KCNJ4: variants seen among roughly 807,000 people sequenced by gnomAD.
The protein encoded by KCNJ4 is potassium inwardly rectifying channel subfamily J member 4.
KCNJ4 carries 3 observed loss-of-function variants against 25.6 expected under a neutral mutation model. The ratio of observed to expected loss-of-function variants is 0.12; its 90% CI spans 0.05 to 0.30. The LOEUF (loss-of-function observed/expected upper bound fraction) is 0.30. KCNJ4 is among the 10% of genes least tolerant of loss of function. The pLI, the probability that KCNJ4 is intolerant of heterozygous loss-of-function variation, is 1.00. For missense variants in KCNJ4, 286 were observed against 666.8 expected (o/e 0.43, Z 6.29); for synonymous variants, 257 against 283.9 (o/e 0.91, Z 0.95).
intron 1 of KCNJ4, among the ~76,000 whole-genome samples, chr22:38,429,532 C>A (rs1230290701): frequency 6.6e-6 from 1 of 152,208 alleles, no homozygotes; most frequent in Admixed American, 6.5e-5. Context: ...CCTCATGGGA[C>A]CTACGGGGAC....
At position 38,443,050 on chromosome 22, in the gene KCNJ4, G is replaced by C. The variant is rs1361181922; in HGVS notation, c.-40+11930C>G. Among the ~76,000 whole-genome samples the C allele has an allele frequency of 2.6e-5, 4 of 152,102 alleles. No homozygotes were observed. The highest frequency in any genetic ancestry group is 9.7e-5 in the African/African-American group (4 of 41,406). The stretch of plus-strand genomic sequence containing the variant: ...TGCCCGGCCTGCAGCCCTTCTTGAA[G>C]GGCATGACTTACTCTCCACTCTTCC... On this transcript the variant is annotated intron_variant, in intron 1 of 1. Coordinates refer to ENST00000303592, the MANE Select transcript of KCNJ4 (RefSeq NM_152868.3). This position sits in a 1 kb window ranked among gnomAD's most constrained non-coding sequence, Gnocchi z 4.1.
At position 38,427,971 on chromosome 22, in the gene KCNJ4, G is replaced by T. The variant is rs2093038151; in HGVS notation, c.162C>A (p.Arg54=). The T allele has an allele frequency of 1.9e-6, 3 of 1,614,194 alleles. No homozygotes were observed. Among genetic ancestry groups the T allele is most frequent in the Non-Finnish European group, 2.5e-6 (3 of 1,180,008 alleles). The change falls in exon 2 of 2, where the codon CGC becomes CGA. Residue 54 remains arginine, a synonymous_variant. Transcript: ENST00000303592. ...ADIFTTCVDT[R]WRYMLMIFSA... ...AGAAGATCATGAGCATGTAGCGCCA[G>T]CGCGTGTCCACGCAGGTGGTGAAGA... is the stretch of plus-strand genomic sequence containing the variant.
Position 38,427,216 on chromosome 22 carries a change from G to T in KCNJ4, c.917C>A (p.Ser306Tyr). 6.2e-7 allele frequency: 1 copy of T among 1,613,522 alleles called. No individual in the cohort carries two copies. The highest frequency in any genetic ancestry group is 8.5e-7 in the Non-Finnish European group (1 of 1,180,020). ...CCACAGGATCTCGCTGGCCAGGTAG[G>T]AGCTGCGGGCCTGGGTGGTCATGGC... ...ATAMTTQARS[S>Y]YLASEILWGH... The change falls in exon 2 of 2, where the codon TCC becomes TAC. Residue 306 changes from serine to tyrosine, a missense_variant. Coordinates refer to ENST00000303592, the MANE Select transcript of KCNJ4 (RefSeq NM_152868.3).
intron 1 of KCNJ4, among the ~76,000 whole-genome samples, chr22:38,438,354 C>A (rs2089307854): frequency 2.0e-5 from 3 of 151,330 alleles, no homozygotes; most frequent in South Asian, 4.2e-4. Context: ...CGTGCCACTG[C>A]ACTCCAGCCT....
intron 1 of KCNJ4, among the ~76,000 whole-genome samples, chr22:38,429,130 C>T (rs2093041773): frequency 6.6e-6 from 1 of 151,890 alleles, no homozygotes; most frequent in South Asian, 2.1e-4. Context: ...CTACTGGGAC[C>T]CGCAGCCCCA....
At chr22:38,428,243 C>T in intron 1 of KCNJ4, 72 bp from the exon 2 acceptor site, 1 of 1,354,526 alleles carries the variant, frequency 7.4e-7, no homozygotes, top group Non-Finnish European at 1.0e-6. Flanking sequence ...CAGACTCAGC[C>T]CCAAGACTCT....
chr22:38,427,914 G>A lies in KCNJ4; in HGVS notation c.219C>T (p.Phe73=), dbSNP rs201107296. Residue 73 remains phenylalanine, a synonymous_variant, in exon 2 of 2, where the codon TTC becomes TTT. Coordinates refer to ENST00000303592, the MANE Select transcript of KCNJ4 (RefSeq NM_152868.3). ...AGGCGATACACCAGAAGAGGAGGCCGAAAAAGAGCCAGGAGACAAGGAAGG... is the reference window on the plus strand; with the variant it reads ...AGGCGATACACCAGAAGAGGAGGCCAAAAAAGAGCCAGGAGACAAGGAAGG... The part of the protein sequence containing the change: ...SAAFLVSWLF[F]GLLFWCIAFF... 44 of 1,612,804 alleles carry A rather than the reference G, an allele frequency of 2.7e-5. No individual in the cohort carries two copies. In the Admixed American group the frequency reaches 4.3e-4, roughly 16 times the overall value.
rs532752169 is a variant in KCNJ4 at position 38,426,855 on chromosome 22, C to T, written c.1278G>A (p.Glu426=). Residue 426 remains glutamate (E), a synonymous_variant, in exon 2 of 2, where the codon GAG becomes GAA. Transcript: ENST00000303592. ...MLEFGSHLDL[E]RMQASLPLDN... ...CCAGCGGGAGGGAAGCCTGCATGCG[C>T]TCCAGGTCCAGGTGGCTGCCGAACT... The T allele has an allele frequency of 6.8e-6, 11 of 1,613,540 alleles. No individual in the cohort carries two copies. The highest frequency in any genetic ancestry group is 1.3e-5 in the African/African-American group (1 of 75,032).
At chr22:38,435,373 A>T (rs542104380) in intron 1 of KCNJ4, among the ~76,000 whole-genome samples, 1 of 152,272 alleles carries the variant, frequency 6.6e-6, no homozygotes, top group Admixed American at 6.5e-5. Flanking sequence ...ATGGGTTCTG[A>T]AGGGTAGAGG....
Position 38,431,951 on chromosome 22 carries a change from GT to G in KCNJ4, c.-39-3781del, listed in dbSNP as rs111418413. On this transcript the variant is annotated intron_variant, in intron 1 of 1. Coordinates refer to ENST00000303592, the MANE Select transcript of KCNJ4 (RefSeq NM_152868.3). The stretch of plus-strand genomic sequence containing the variant: ...GTACCATCCTCCTCTGACTAGAGAT[GT>G]TTTTTTTTTTTTAAAGGGCCCTGCT... Among the ~76,000 whole-genome samples, 583 of 145,310 alleles carry G rather than the reference GT, an allele frequency of 4.0e-3. 4 individuals carry two copies. The highest frequency in any genetic ancestry group is 6.7e-3 in the Non-Finnish European group (443 of 65,812).
chr22:38,434,861 C>CA (rs1410524596), intron 1 of KCNJ4, among the ~76,000 whole-genome samples: 1 of 152,230 alleles, frequency 6.6e-6, no homozygotes, highest in Non-Finnish European at 1.5e-5. Context: ...CTTTGAACCT[C>CA]AGTTTTCTCA....
In KCNJ4 at chr22:38,426,967, T is replaced by C; in HGVS notation, c.1166A>G (p.Glu389Gly). The C allele has an allele frequency of 6.2e-7, 1 of 1,612,552 alleles. No individual in the cohort carries two copies. Among genetic ancestry groups the C allele is most frequent in the Non-Finnish European group, 8.5e-7 (1 of 1,179,798 alleles). The change falls in exon 2 of 2, where the codon GAG becomes GGG. Residue 389 changes from glutamate to glycine, a missense_variant. Around this residue, in one of 11 missense-constraint regions of KCNJ4, gnomAD observed 77 missense variants for 97.6 expected, o/e 0.79. Coordinates refer to ENST00000303592, the MANE Select transcript of KCNJ4 (RefSeq NM_152868.3). ...CACCGCGGCCGCCGCAGCTGCCTCC[T>C]CCTCCATCTCCTCTTCCTCCTGGCT... ...LMSQEEEEME[E>G]EAAAAAAVAA...
At position 38,429,214 on chromosome 22, in the gene KCNJ4, C is replaced by G. The variant is rs529564678; in HGVS notation, c.-39-1043G>C. ...GAGTCCTTGAGCCCAAATTCCTGCC[C>G]AGTGCCCACACTTGTTAGGAGCAGT... On this transcript the variant is annotated intron_variant, in intron 1 of 1. Coordinates refer to ENST00000303592, the MANE Select transcript of KCNJ4 (RefSeq NM_152868.3). Among the ~76,000 whole-genome samples the G allele has an allele frequency of 5.3e-5, 8 of 152,308 alleles. No individual in the cohort carries two copies. In the South Asian group the frequency reaches 1.7e-3, roughly 32 times the overall value.
intron 1 of KCNJ4, among the ~76,000 whole-genome samples, chr22:38,440,324 C>A (rs895631800): frequency 1.3e-5 from 2 of 152,018 alleles, no homozygotes; most frequent in Non-Finnish European, 2.9e-5. Context: ...GGCAAATCAC[C>A]TGAGGTCAGG....
chr22:38,427,820 C>T lies in KCNJ4; in HGVS notation c.313G>A (p.Gly105Arg), dbSNP rs1178875232. ...AAGGPAAGGG[G>R]AAPVAPKPCI... ...GGCTTGGGGGCCACCGGGGCTGCTC[C>T]GCCACCACCCGCCGCCGGGCCCCCC... Residue 105 changes from glycine to arginine, a missense_variant, in exon 2 of 2, where the codon GGA becomes AGA. Gly to Arg is a moderately radical substitution (Grantham distance 125, BLOSUM62 -2). Coordinates refer to ENST00000303592, the MANE Select transcript of KCNJ4 (RefSeq NM_152868.3). 14 of 1,609,136 alleles carry T rather than the reference C, an allele frequency of 8.7e-6. No individual in the cohort carries two copies. The highest frequency in any genetic ancestry group is 1.6e-4 in the Middle Eastern group (1 of 6,080).
At chr22:38,433,506 G>A (rs2093056392) in intron 1 of KCNJ4, among the ~76,000 whole-genome samples, 2 of 152,098 alleles carry the variant, frequency 1.3e-5, no homozygotes, top group African/African-American at 4.8e-5. Context: ...TTATAGAGAT[G>A]GGGTCTTACT....
chr22:38,449,849 G>C lies in KCNJ4; in HGVS notation c.-40+5131C>G, dbSNP rs2089399477. 2.6e-5 allele frequency among the ~76,000 whole-genome samples: 4 copies of C among 152,262 alleles called. No individual in the cohort carries two copies. Among genetic ancestry groups the C allele is most frequent in the Admixed American group, 2.6e-4 (4 of 15,294 alleles). On this transcript the variant is annotated intron_variant, in intron 1 of 1. Coordinates refer to ENST00000303592, the MANE Select transcript of KCNJ4 (RefSeq NM_152868.3). The surrounding 1 kb of genome is among the most constrained non-coding windows in gnomAD (Gnocchi z 5.2). ...ACCCCGTGTTGGGCCACGGGGCCAG[G>C]ATTGGTCAAGACCTTTGGGAGTGGG... is the stretch of plus-strand genomic sequence containing the variant.
chr22:38,451,524 T>A (rs2089410270), intron 1 of KCNJ4, among the ~76,000 whole-genome samples: 1 of 152,056 alleles, frequency 6.6e-6, no homozygotes. Context: ...GGTGAGGGGA[T>A]CTGGAGAGAA....
intron 1 of KCNJ4, among the ~76,000 whole-genome samples, chr22:38,453,116 T>G (rs1376250163): frequency 6.6e-6 from 1 of 150,808 alleles, no homozygotes; most frequent in Non-Finnish European, 1.5e-5. Context: ...TATCCTAAGC[T>G]AAGACATCTT....
Sources: allele counts gnomAD v4.1 joint callset (sites outside exome capture counted in the v4.1 genomes callset), GRCh38; gene constraint gnomAD v4.1.1; regional missense constraint gnomAD v4.1.1; non-coding constraint Gnocchi (gnomAD v3.1); transcripts MANE v1.5; gene names NCBI Gene and HGNC (gene_info 2026-07-23, HGNC 2026-07-21).